The following KIF20B variants were observed in gnomAD, a reference collection of about 807,000 sequenced individuals.
The protein encoded by KIF20B is kinesin family member 20B.
A neutral mutation model predicts 232.5 loss-of-function variants in KIF20B; 188 were observed. The ratio of observed to expected loss-of-function variants is 0.81; its 90% CI spans 0.72 to 0.91. KIF20B has a LOEUF of 0.91. KIF20B is among the 40% of genes least tolerant of loss of function. KIF20B has a pLI of 0.00. For synonymous variants in KIF20B, 712 were observed against 683.0 expected, an observed-to-expected ratio of 1.04 and a Z score of -0.66; for missense variants, 2,154 against 2,055.9, an observed-to-expected ratio of 1.05 and a Z score of -0.92.
chr10:89,724,302 G>A (rs953829634), intron 14 of KIF20B, among the ~76,000 whole-genome samples, 199 bp downstream of exon 14: 6 of 151,998 alleles, frequency 3.9e-5, no homozygotes, highest in Admixed American at 1.3e-4. Context: ...CTAGGCAGGC[G>A]GATCACTGAA....
chr10:89,703,301 G>C (rs1589847334), intron 1 of KIF20B, among the ~76,000 whole-genome samples: 2 of 152,230 alleles, frequency 1.3e-5, no homozygotes, highest in East Asian at 1.9e-4. Flanking sequence ...AGTCAACTAT[G>C]TTCTTGTGAT....
chr10:89,734,854 C>T (rs1366266734), intron 19 of KIF20B, among the ~76,000 whole-genome samples: 1 of 152,148 alleles, frequency 6.6e-6, no homozygotes, highest in African/African-American at 2.4e-5. Context: ...TGTAATGTAA[C>T]AAACTGATAT....
Position 89,714,960 on chromosome 10 carries a change from TTAAC to T in KIF20B, c.724_727del (p.Asn242LeufsTer2), listed in dbSNP as rs778341343. The stretch of plus-strand genomic sequence containing the variant: ...TCTTTTTCTTTTTTTTGTAGGAAGT[TTAAC>T]TAACTCTTTGAATATCTCAGAGTTT... On this transcript the variant is annotated frameshift_variant, in exon 8 of 33. Coordinates refer to ENST00000371728, the MANE Select transcript of KIF20B (RefSeq NM_001284259.2). LOFTEE classifies it high-confidence loss of function. 6.5e-7 allele frequency: 1 copy of T among 1,541,300 alleles called. No homozygotes were observed. The highest frequency in any genetic ancestry group is 8.8e-7 in the Non-Finnish European group (1 of 1,137,682).
At chr10:89,741,684 T>C (rs1841798850) in intron 21 of KIF20B, among the ~76,000 whole-genome samples, 1 of 152,150 alleles carries the variant, frequency 6.6e-6, no homozygotes, top group Non-Finnish European at 1.5e-5. Context: ...CTTTCTGTGG[T>C]TTCAGTTACC....
intron 23 of KIF20B, among the ~76,000 whole-genome samples, chr10:89,747,793 G>A (rs1010016165): frequency 2.0e-5 from 3 of 151,928 alleles, no homozygotes; most frequent in East Asian, 1.9e-4. Context: ...GCTAGATGAC[G>A]AGTTAGTGGG....
Position 89,772,724 on chromosome 10 carries a change from C to T in KIF20B, c.5278C>T (p.Leu1760Phe). The change falls in exon 32 of 33, where the codon CTC (leucine) becomes TTC (phenylalanine). Residue 1760 changes from leucine to phenylalanine, a missense_variant. By Grantham distance (22) the Leu-to-Phe change is conservative (BLOSUM62 0). Transcript: ENST00000371728. ...AATTGAAACAATGAGCTCTTCAAAG[C>T]TCTCAAATGTAGAAGCAAGTAAAGA... ...KIIETMSSSK[L>F]SNVEASKENV... 6.2e-7 allele frequency: 1 copy of T among 1,602,442 alleles called. No individual in the cohort carries two copies. Among genetic ancestry groups the T allele is most frequent in the Non-Finnish European group, 8.5e-7 (1 of 1,171,640 alleles).
chr10:89,705,979 T>A (rs975038679), intron 2 of KIF20B, among the ~76,000 whole-genome samples: 1 of 152,218 alleles, frequency 6.6e-6, no homozygotes, highest in Non-Finnish European at 1.5e-5. Context: ...AATGCTGCTT[T>A]GAACATTCAT....
chr10:89,709,467 A>G lies in KIF20B; in HGVS notation c.351+6A>G. ...AGAAATTCAGTTTTTCCAAGGTAAAACTGAAGTGTTTTTGTTTTTTGTTTT... is the reference window on the plus strand; with the variant it reads ...AGAAATTCAGTTTTTCCAAGGTAAAGCTGAAGTGTTTTTGTTTTTTGTTTT... On this transcript the variant is annotated splice_donor_region_variant and intron_variant, in intron 4 of 32. Transcript: ENST00000371728. The G allele has an allele frequency of 6.3e-7, 1 of 1,578,468 alleles. No homozygotes were observed. The highest frequency in any genetic ancestry group is 1.4e-5 in the African/African-American group (1 of 74,030).
In KIF20B at chr10:89,709,389, G is replaced by A. The variant is rs564952243; in HGVS notation, c.279G>A (p.Glu93=). Residue 93 remains glutamate (E), a synonymous_variant, in exon 4 of 33, where the codon GAG becomes GAA. Coordinates refer to ENST00000371728, the MANE Select transcript of KIF20B (RefSeq NM_001284259.2). The part of the protein sequence containing the change: ...ILDSQTVVLK[E]PQCILGRLSE... ...ATTCACAGACTGTTGTGCTGAAAGA[G>A]CCTCAATGCATCCTTGGTCGGTTAA... The A allele has an allele frequency of 1.2e-6, 2 of 1,613,638 alleles. No individual in the cohort carries two copies. Among genetic ancestry groups the A allele is most frequent in the African/African-American group, 2.7e-5 (2 of 75,014 alleles).
intron 2 of KIF20B, 34 bp from the exon 3 acceptor site, chr10:89,709,132 CA>C (rs746988402): frequency 1.4e-6 from 2 of 1,468,148 alleles, no homozygotes; most frequent in South Asian, 1.2e-5. Flanking sequence ...CCGTATCTTT[CA>C]AAAACACAAT....
At chr10:89,742,768 C>T (rs1016622976) in intron 21 of KIF20B, among the ~76,000 whole-genome samples, 23 of 143,554 alleles carry the variant, frequency 1.6e-4, no homozygotes, top group Admixed American at 4.3e-4. Flanking sequence ...GGCGTGATCT[C>T]GGCTCACTGC....
chr10:89,752,624 CAAAT>C lies in KIF20B; in HGVS notation c.4284_4287del (p.Asn1428LysfsTer35). The C allele has an allele frequency of 6.2e-7, 1 of 1,605,522 alleles. No homozygotes were observed. The stretch of plus-strand genomic sequence containing the variant: ...TTGGAAACCAAAAACAATCAAAGGT[CAAAT>C]AAAGAACATGAGAACAACACAGATG... On this transcript the variant is annotated frameshift_variant, in exon 25 of 33. Transcript: ENST00000371728. LOFTEE classifies it high-confidence loss of function.
At chr10:89,757,046 A>ATG (rs1240354414) in intron 26 of KIF20B, among the ~76,000 whole-genome samples, 1 of 112,342 alleles carries the variant, frequency 8.9e-6, no homozygotes, top group Non-Finnish European at 1.7e-5. Context: ...GTGTGTATAT[A>ATG]TATATATATA....
rs1292753190 is a variant in KIF20B, at chr10:89,774,329, T to C, written c.*281T>C. ...AGGCTGTTATTCTCATTTATTTTGCTATACAGGATGTAATAGGTCAGGTAT... is the reference window on the plus strand; with the variant it reads ...AGGCTGTTATTCTCATTTATTTTGCCATACAGGATGTAATAGGTCAGGTAT... On this transcript the variant is annotated 3_prime_UTR_variant, in exon 33 of 33. Transcript: ENST00000371728. 9.4e-6 allele frequency: 2 copies of C among 212,916 alleles called. No individual in the cohort carries two copies. Among genetic ancestry groups the C allele is most frequent in the African/African-American group, 2.3e-5 (1 of 43,706 alleles). 13.2% of individuals were successfully genotyped at this position (212,916 alleles called of 1,614,324 possible).
intron 13 of KIF20B, among the ~76,000 whole-genome samples, chr10:89,722,660 C>T (rs572168612): frequency 1.3e-5 from 2 of 152,262 alleles, no homozygotes; most frequent in South Asian, 2.1e-4. Flanking sequence ...CAGAGTGAGA[C>T]TCCGTCTCAA....
At chr10:89,732,627 A>G (rs1300855180) in intron 18 of KIF20B, among the ~76,000 whole-genome samples, 1 of 152,206 alleles carries the variant, frequency 6.6e-6, no homozygotes, top group Non-Finnish European at 1.5e-5. Flanking sequence ...CTACAAAACA[A>G]AATAAATAGT....
intron 23 of KIF20B, 111 bp downstream of exon 23, chr10:89,746,070 A>C: frequency 1.3e-6 from 1 of 756,098 alleles, no homozygotes. Flanking sequence ...TCAAACCCCT[A>C]GGGGGAGCAT....
intron 31 of KIF20B, among the ~76,000 whole-genome samples, chr10:89,771,916 G>A (rs1468737253): frequency 6.6e-6 from 1 of 151,924 alleles, no homozygotes; most frequent in African/African-American, 2.4e-5. Context: ...AAAAAGCTGG[G>A]TTGTTACTTT....
chr10:89,760,436 A>G, intron 27 of KIF20B, 90 bp from the exon 28 acceptor site: 1 of 788,506 alleles, frequency 1.3e-6, no homozygotes, highest in South Asian at 1.7e-5. Context: ...AGTTTCATAC[A>G]AATCTTGATT....
Sources: gnomAD v4.1 joint callset for allele counts (sites outside exome capture counted in the v4.1 genomes callset) on GRCh38, gnomAD v4.1.1 for gene constraint, MANE v1.5 for transcripts, NCBI Gene and HGNC (gene_info 2026-07-23, HGNC 2026-07-21) for gene names.